TCF4: variants seen among roughly 807,000 people sequenced by gnomAD.
The protein encoded by TCF4 is SL3-3 enhancer factor 2.
A neutral mutation model predicts 82.1 loss-of-function variants in TCF4; 3 were observed. That is an observed-to-expected ratio of 0.04 (90% confidence interval 0.02 to 0.09). The LOEUF (loss-of-function observed/expected upper bound fraction) is 0.09, where lower values mean the gene tolerates loss of function less well. Among genes scored for constraint, TCF4 ranks in the 10% least tolerant of loss-of-function variants. The pLI, the probability that TCF4 is intolerant of heterozygous loss-of-function variation, is 1.00. For synonymous variants in TCF4, 276 were observed against 309.6 expected, an observed-to-expected ratio of 0.89 and a Z score of 1.14; for missense variants, 518 against 852.7, an observed-to-expected ratio of 0.61 and a Z score of 4.89.
upstream of TCF4, chr18:55,588,240 G>C (rs1236741526): frequency 9.2e-6 from 13 of 1,407,956 alleles, no homozygotes; most frequent in Admixed American, 8.7e-5. Flanking sequence ...TCTCTTCTCC[G>C]GGGAGGGGAG....
intron 3 of TCF4, among the ~76,000 whole-genome samples, chr18:55,541,271 T>A (rs2097163071): frequency 6.6e-6 from 1 of 152,030 alleles, no homozygotes; most frequent in African/African-American, 2.4e-5. Flanking sequence ...ATTCCCTTTT[T>A]ACACTATTTA....
rs1603623630 is a variant in TCF4 at position 55,568,225 on chromosome 18, T to C, written c.145+17055A>G. 2.1e-5 allele frequency among the ~76,000 whole-genome samples: 3 copies of C among 143,834 alleles called. No individual in the cohort carries two copies. In the South Asian group the frequency reaches 6.6e-4, roughly 31 times the overall value. The allele number at this position is 143,834 out of a possible 152,430, so 94.4% of individuals were successfully genotyped here. A position where few individuals can be genotyped will look rare whatever the true frequency, so the allele number is the denominator to read the frequency against. On this transcript the variant is annotated intron_variant, in intron 3 of 19. Coordinates refer to ENST00000354452, the MANE Select transcript of TCF4 (RefSeq NM_001083962.2). ...CATAGAAAGCAGGAAATAACAAAGA[T>C]TAAAAATTAATGAAGTAGAAAACAC...
At chr18:55,507,544 C>T (rs1480939601) in intron 3 of TCF4, among the ~76,000 whole-genome samples, 2 of 151,416 alleles carry the variant, frequency 1.3e-5, no homozygotes, top group African/African-American at 4.9e-5. Flanking sequence ...AATGAAACTA[C>T]AGATAAGGGG....
At position 55,399,874 on chromosome 18, in the gene TCF4, T is replaced by TCACACA. The variant is rs1393604207; in HGVS notation, c.369+3579_369+3580insTGTGTG. Among the ~76,000 whole-genome samples the TCACACA allele has an allele frequency of 3.1e-5, 4 of 130,144 alleles. No individual in the cohort carries two copies. The South Asian group carries it at 9.8e-4, about 32-fold the overall frequency. 85.4% of individuals were successfully genotyped at this position (130,144 alleles called of 152,430 possible). On this transcript the variant is annotated intron_variant, in intron 6 of 19. Coordinates refer to ENST00000354452, the MANE Select transcript of TCF4 (RefSeq NM_001083962.2). ...CCCCATCTCTCTCTCTCTCTCTCTCTCTCTCTCACACACACACACACACAC... is the reference window on the plus strand; with the variant it reads ...CCCCATCTCTCTCTCTCTCTCTCTCTCACACACTCTCTCACACACACACACACACAC...
At chr18:55,318,393 T>C (rs2074671921) in intron 8 of TCF4, among the ~76,000 whole-genome samples, 1 of 152,066 alleles carries the variant, frequency 6.6e-6, no homozygotes, top group Non-Finnish European at 1.5e-5. Flanking sequence ...AATAAGCTAC[T>C]GATTTTCTCT....
At chr18:55,574,573 A>G (rs1435608828) in intron 3 of TCF4, among the ~76,000 whole-genome samples, 2 of 152,216 alleles carry the variant, frequency 1.3e-5, no homozygotes, top group Non-Finnish European at 2.9e-5. Flanking sequence ...TCCTGACTTC[A>G]AATGATCCGC....
At chr18:55,403,861 A>T in intron 5 of TCF4, 2 of 1,469,554 alleles carry the variant, frequency 1.4e-6, no homozygotes, top group South Asian at 2.8e-5. Flanking sequence ...CACAGCAGGC[A>T]AATTATCTAT....
intron 3 of TCF4, among the ~76,000 whole-genome samples, chr18:55,518,393 C>T (rs999275765): frequency 1.1e-4 from 16 of 151,900 alleles, no homozygotes; most frequent in Non-Finnish European, 2.1e-4. Flanking sequence ...AATGAAAAAA[C>T]GTGTGCAAAG....
At chr18:55,528,903 C>G (rs1201004270) in intron 3 of TCF4, among the ~76,000 whole-genome samples, 2 of 152,202 alleles carry the variant, frequency 1.3e-5, no homozygotes, top group Non-Finnish European at 2.9e-5. Flanking sequence ...CTTGGCTGGA[C>G]ACAGTGGCTC....
chr18:55,464,790 A>T (rs1299781500), intron 3 of TCF4, among the ~76,000 whole-genome samples: 1 of 152,172 alleles, frequency 6.6e-6, no homozygotes, highest in Admixed American at 6.5e-5. Context: ...ATATGTGGAA[A>T]TGAATGTGGT....
intron 8 of TCF4, among the ~76,000 whole-genome samples, chr18:55,329,487 T>A (rs2077148107): frequency 6.6e-6 from 1 of 152,218 alleles, no homozygotes; most frequent in African/African-American, 2.4e-5. Context: ...TGTGCAATTT[T>A]AAAAAATTCT....
At chr18:55,291,417 G>T (rs1233313937) in intron 8 of TCF4, among the ~76,000 whole-genome samples, 1 of 152,082 alleles carries the variant, frequency 6.6e-6, no homozygotes, top group Non-Finnish European at 1.5e-5. Context: ...GAATTGTTAT[G>T]AACAGTGAGT....
intron 6 of TCF4, among the ~76,000 whole-genome samples, chr18:55,353,906 G>C (rs1040455351): frequency 6.6e-6 from 1 of 152,020 alleles, no homozygotes; most frequent in Non-Finnish European, 1.5e-5. Flanking sequence ...TTTCAAAATG[G>C]GCAAATTCAT....
intron 3 of TCF4, among the ~76,000 whole-genome samples, chr18:55,476,538 C>T (rs1029023067): frequency 3.3e-5 from 5 of 151,604 alleles, no homozygotes; most frequent in South Asian, 2.1e-4. Flanking sequence ...TGCAGTGGTG[C>T]GATCAGGGCT....
chr18:55,494,157 G>GACACACACACACACGCAC (rs1555696600), intron 3 of TCF4, among the ~76,000 whole-genome samples: 1 of 147,622 alleles, frequency 6.8e-6, no homozygotes, highest in Non-Finnish European at 1.5e-5. Context: ...AAATATTATG[G>GACACACACACACACGCAC]ACACACACAC....
chr18:55,365,149 T>C (rs1446025875), intron 6 of TCF4, among the ~76,000 whole-genome samples: 1 of 95,812 alleles, frequency 1.0e-5, no homozygotes, highest in Non-Finnish European at 2.1e-5. Flanking sequence ...TGAGACTCCA[T>C]CTCCAAAATA....
intron 3 of TCF4, among the ~76,000 whole-genome samples, chr18:55,476,185 A>C (rs111704392): frequency 6.6e-6 from 1 of 150,442 alleles, no homozygotes. Flanking sequence ...AAAAAAAAAA[A>C]TTGGAAACAT....
At chr18:55,525,894 C>A (rs965894409) in intron 3 of TCF4, among the ~76,000 whole-genome samples, 3 of 152,156 alleles carry the variant, frequency 2.0e-5, no homozygotes, top group East Asian at 3.8e-4. Flanking sequence ...CAAAAGAAAA[C>A]AAGGTGGTAG....
At chr18:55,412,948 T>G (rs1327315893) in intron 5 of TCF4, among the ~76,000 whole-genome samples, 2 of 152,042 alleles carry the variant, frequency 1.3e-5, no homozygotes, top group African/African-American at 4.8e-5. Context: ...TTGTTTGTTA[T>G]AGAGTAGTCT....
Sources: allele counts gnomAD v4.1 joint callset (sites outside exome capture counted in the v4.1 genomes callset), GRCh38; gene constraint gnomAD v4.1.1; transcripts MANE v1.5; gene names NCBI Gene and HGNC (gene_info 2026-07-23, HGNC 2026-07-21).